The following UPF2 variants were observed in gnomAD, a reference collection of about 807,000 sequenced individuals.
UPF2 encodes regulator of nonsense transcripts 2.
In UPF2, 17 loss-of-function variants were observed where a neutral mutation model predicts 141.4. The observed-to-expected ratio is 0.12, with a 90% confidence interval of 0.08 to 0.18. UPF2 has a LOEUF of 0.18. Among genes scored for constraint, UPF2 ranks in the 10% least tolerant of loss-of-function variants. The pLI is 1.00. For synonymous variants in UPF2, 540 were observed against 498.0 expected (o/e 1.08, Z -1.12); for missense variants, 1,152 against 1,515.9 (o/e 0.76, Z 3.99).
Position 12,016,575 on chromosome 10 carries a change from T to C in UPF2, c.1146-2391A>G, listed in dbSNP as rs111688903. On this transcript the variant is annotated intron_variant, in intron 3 of 21. Coordinates refer to ENST00000357604, the MANE Select transcript of UPF2 (RefSeq NM_015542.4). The surrounding 1 kb of genome is among the most constrained non-coding windows in gnomAD (Gnocchi z 4.1). ...CGGGTGTGGTGGTAGGTGCCTGTAATCCCAGCTACTTGGGAGGCTAAGCCA... is the reference window on the plus strand; with the variant it reads ...CGGGTGTGGTGGTAGGTGCCTGTAACCCCAGCTACTTGGGAGGCTAAGCCA... Among the ~76,000 whole-genome samples the C allele has an allele frequency of 1.7e-3, 254 of 151,934 alleles. 1 individual carries two copies. Among genetic ancestry groups the C allele is most frequent in the African/African-American group, 5.7e-3 (235 of 41,442 alleles).
intron 4 of UPF2, among the ~76,000 whole-genome samples, chr10:12,006,263 T>G (rs1267533514): frequency 1.3e-5 from 2 of 152,198 alleles, no homozygotes; most frequent in African/African-American, 4.8e-5. Flanking sequence ...GATCTCTTAT[T>G]AGAGAATGGA....
intron 21 of UPF2, among the ~76,000 whole-genome samples, chr10:11,925,343 G>A (rs962223032): frequency 2.6e-5 from 4 of 152,178 alleles, no homozygotes; most frequent in Non-Finnish European, 5.9e-5. Flanking sequence ...TCTTAAAACA[G>A]GTTGAGTGGC....
intron 16 of UPF2, among the ~76,000 whole-genome samples, chr10:11,947,786 C>CAAA (rs58897556): frequency 0.014 from 917 of 65,520 alleles, 19 homozygotes; most frequent in East Asian, 0.062. Context: ...AACCTTGTCT[C>CAAA]AAAAAAAAAA....
chr10:12,022,547 A>G (rs1334560540), intron 3 of UPF2, among the ~76,000 whole-genome samples: 1 of 152,218 alleles, frequency 6.6e-6, no homozygotes, highest in Non-Finnish European at 1.5e-5. Flanking sequence ...AATGGGTACT[A>G]CTACTACAGC....
intron 20 of UPF2, among the ~76,000 whole-genome samples, 177 bp from the exon 21 acceptor site, chr10:11,930,162 G>T (rs1054160011): frequency 6.6e-6 from 1 of 152,236 alleles, no homozygotes; most frequent in Admixed American, 6.5e-5. Flanking sequence ...GCATTATCAA[G>T]AGAGGAGACT....
At chr10:11,978,285 G>A (rs1833539208) in intron 9 of UPF2, among the ~76,000 whole-genome samples, 1 of 152,296 alleles carries the variant, frequency 6.6e-6, no homozygotes, top group East Asian at 1.9e-4. Flanking sequence ...ATGATAAAGC[G>A]AAGTTTTGTA....
intron 18 of UPF2, 143 bp downstream of exon 18, chr10:11,942,522 G>T: frequency 1.6e-6 from 1 of 611,418 alleles, no homozygotes; most frequent in Non-Finnish European, 2.8e-6. Flanking sequence ...CAAGAAGCTG[G>T]CTGCAAGCTG....
intron 1 of UPF2, among the ~76,000 whole-genome samples, chr10:12,039,430 G>T (rs571688141): frequency 1.3e-5 from 2 of 152,106 alleles, no homozygotes; most frequent in African/African-American, 4.8e-5. Flanking sequence ...GCAGACTCTG[G>T]CTGAAACATA....
chr10:11,957,738 G>A (rs1042324970), intron 12 of UPF2, among the ~76,000 whole-genome samples: 2 of 152,070 alleles, frequency 1.3e-5, no homozygotes, highest in Non-Finnish European at 2.9e-5. Flanking sequence ...GGCTAGTCTC[G>A]AATTCCCGGC....
Position 11,979,020 on chromosome 10 carries a change from A to C in UPF2, c.1953+37T>G. 1 of 1,490,142 alleles carries C rather than the reference A, an allele frequency of 6.7e-7. No individual in the cohort carries two copies. Among genetic ancestry groups the C allele is most frequent in the Non-Finnish European group, 9.3e-7 (1 of 1,073,334 alleles). 92.3% of individuals were successfully genotyped at this position (1,490,142 alleles called of 1,614,324 possible). ...AAAGAATCCTCACTCAACGTATAAG[A>C]ATATAAATATTTCAAAATAAATGCT... On this transcript the variant is annotated intron_variant, in intron 9 of 21. Transcript: ENST00000357604. This position sits in a 1 kb window ranked among gnomAD's most constrained non-coding sequence, Gnocchi z 6.2.
chr10:12,013,901 A>AT, intron 4 of UPF2, 123 bp downstream of exon 4: 1 of 1,032,482 alleles, frequency 9.7e-7, no homozygotes, highest in Non-Finnish European at 1.3e-6. Flanking sequence ...TGCTTGGCCC[A>AT]TTTTGAAAAT....
rs1338562054 is a variant in UPF2, at chr10:11,935,517, T to C, written c.3546+1028A>G. Among the ~76,000 whole-genome samples, 1 of 152,210 alleles carries C rather than the reference T, an allele frequency of 6.6e-6. No individual in the cohort carries two copies. Among genetic ancestry groups the C allele is most frequent in the Non-Finnish European group, 1.5e-5 (1 of 68,042 alleles). On this transcript the variant is annotated intron_variant, in intron 19 of 21. Coordinates refer to ENST00000357604, the MANE Select transcript of UPF2 (RefSeq NM_015542.4). The surrounding 1 kb of genome is among the most constrained non-coding windows in gnomAD (Gnocchi z 4.9). ...ATCACTAAAGCAGAAAGAAATGCTG[T>C]CAGTTAACACAGGATTTCATGGACT... is the stretch of plus-strand genomic sequence containing the variant.
intron 5 of UPF2, among the ~76,000 whole-genome samples, chr10:12,003,830 CAGG>C (rs56765852): frequency 0.21 from 31,594 of 147,358 alleles, 3,608 homozygotes; most frequent in East Asian, 0.46. Context: ...GAGGCTAAAG[CAGG>C]AGAATCACTT....
intron 8 of UPF2, among the ~76,000 whole-genome samples, chr10:11,990,204 C>T (rs1418838645): frequency 6.6e-6 from 1 of 152,188 alleles, no homozygotes; most frequent in Non-Finnish European, 1.5e-5. Context: ...CATCAACATG[C>T]TTCTTTCAAT....
intron 8 of UPF2, among the ~76,000 whole-genome samples, chr10:11,981,228 A>G (rs1321981780): frequency 6.6e-6 from 1 of 152,180 alleles, no homozygotes; most frequent in African/African-American, 2.4e-5. Flanking sequence ...AACTGGCTAA[A>G]TTCATACCTA....
chr10:11,942,803 A>AG (rs1588529730), intron 17 of UPF2, 40 bp from the exon 18 acceptor site: 1 of 1,584,318 alleles, frequency 6.3e-7, no homozygotes, highest in East Asian at 2.2e-5. Context: ...CAGAAATTTT[A>AG]ACTGTAATGT....
intron 6 of UPF2, among the ~76,000 whole-genome samples, chr10:12,000,605 C>T (rs1359462782): frequency 6.6e-6 from 1 of 151,892 alleles, no homozygotes; most frequent in Non-Finnish European, 1.5e-5. Context: ...CATAACAAGA[C>T]CCTGTCTCTA....
rs1365789710 is a variant in UPF2 at position 12,016,442 on chromosome 10, T to A, written c.1146-2258A>T. Among the ~76,000 whole-genome samples the A allele has an allele frequency of 6.6e-6, 1 of 151,788 alleles. No individual in the cohort carries two copies. Among genetic ancestry groups the A allele is most frequent in the Non-Finnish European group, 1.5e-5 (1 of 67,938 alleles). ...TGGGCGCGGTGGCTCACGCCTGTAA[T>A]CCCAGAACTTTGGAAGGCCGAGGTG... On this transcript the variant is annotated intron_variant, in intron 3 of 21. Transcript: ENST00000357604. The surrounding 1 kb of genome is among the most constrained non-coding windows in gnomAD (Gnocchi z 4.1).
rs74544419 is a variant in UPF2 at position 11,935,407 on chromosome 10, G to A, written c.3546+1138C>T. Among the ~76,000 whole-genome samples, 1,278 of 152,250 alleles carry A rather than the reference G, an allele frequency of 8.4e-3. 71 individuals are homozygous for A. Among genetic ancestry groups the A allele is most frequent in the Admixed American group, 0.074 (1,129 of 15,282 alleles). On this transcript the variant is annotated intron_variant, in intron 19 of 21. Transcript: ENST00000357604. This position sits in a 1 kb window ranked among gnomAD's most constrained non-coding sequence, Gnocchi z 4.9. ...GACTGTGTAGACGAATGTGGTATTG[G>A]ACTTGTCTAAGATAACTGTGGCAGC... is the stretch of plus-strand genomic sequence containing the variant.
Sources: allele counts gnomAD v4.1 joint callset (sites outside exome capture counted in the v4.1 genomes callset), GRCh38; gene constraint gnomAD v4.1.1; non-coding constraint Gnocchi (gnomAD v3.1); transcripts MANE v1.5; gene names NCBI Gene and HGNC (gene_info 2026-07-23, HGNC 2026-07-21).